ABCC3: variants seen among roughly 807,000 people sequenced by gnomAD.
ABCC3 encodes ATP binding cassette subfamily C member 3.
ABCC3 carries 121 observed loss-of-function variants against 165.3 expected under a neutral mutation model. The ratio of observed to expected loss-of-function variants is 0.73; its 90% confidence interval spans 0.63 to 0.85. The LOEUF (loss-of-function observed/expected upper bound fraction) is 0.85, where lower values mean the gene tolerates loss of function less well. ABCC3 is among the 40% of genes least tolerant of loss of function. The pLI is 0.00. For missense variants in ABCC3, 1,869 were observed against 1,964.1 expected (o/e 0.95, Z 0.92); for synonymous variants, 733 against 810.1 (o/e 0.90, Z 1.62).
intron 7 of ABCC3, 72 bp from the exon 8 acceptor site, chr17:50,660,851 C>A: frequency 7.0e-7 from 1 of 1,430,550 alleles, no homozygotes; most frequent in Non-Finnish European, 9.5e-7. Flanking sequence ...CCTAGCCAGC[C>A]CAGCCTAGCC....
intron 30 of ABCC3, among the ~76,000 whole-genome samples, chr17:50,689,339 G>A (rs1327125386): frequency 3.3e-5 from 5 of 152,206 alleles, no homozygotes; most frequent in African/African-American, 1.2e-4. Flanking sequence ...CTTCCTTGGA[G>A]AGGCAGACCA....
rs1336670434 is a variant in ABCC3, at chr17:50,655,907, C to T, written c.121C>T (p.Pro41Ser). 2.5e-6 allele frequency: 4 copies of T among 1,614,066 alleles called. No individual in the cohort carries two copies. The East Asian group carries it at 8.9e-5, about 36-fold the overall frequency. Residue 41 changes from proline (P) to serine (S), a missense_variant, in exon 2 of 31, where the codon CCC becomes TCC. Coordinates refer to ENST00000285238, the MANE Select transcript of ABCC3 (RefSeq NM_003786.4). ...CFQNSLLAWV[P>S]CIYLWVALPC... ...CCAGAACTCCCTGCTGGCCTGGGTG[C>T]CCTGCATCTACCTGTGGGTCGCCCT...
intron 4 of ABCC3, 117 bp from the exon 5 acceptor site, chr17:50,657,965 C>T (rs1353696785): frequency 2.8e-6 from 4 of 1,436,900 alleles, no homozygotes; most frequent in African/African-American, 1.4e-5. Flanking sequence ...ACCTGGAGGC[C>T]CCCAGGTGCT....
In ABCC3 at chr17:50,675,912, C is replaced by A; in HGVS notation, c.2889C>A (p.Ala963=). The A allele has an allele frequency of 6.2e-7, 1 of 1,614,118 alleles. No individual in the cohort carries two copies. The highest frequency in any genetic ancestry group is 1.3e-5 in the African/African-American group (1 of 75,018). Reference sequence around the variant, plus strand: ...AGCTCAGTGTGTTCTGGGATTATGCCAAGGCCGTGGGGCTCTGTACCACGC... The same window carrying A: ...AGCTCAGTGTGTTCTGGGATTATGCAAAGGCCGTGGGGCTCTGTACCACGC... ...TVELSVFWDY[A]KAVGLCTTLA... The change falls in exon 22 of 31, where the codon GCC becomes GCA. Residue 963 remains alanine (A), a synonymous_variant. Coordinates refer to ENST00000285238, the MANE Select transcript of ABCC3 (RefSeq NM_003786.4).
At chr17:50,673,985 TCTC>T (rs1967731192) in intron 19 of ABCC3, among the ~76,000 whole-genome samples, 2 of 4,132 alleles carry the variant, frequency 4.8e-4, no homozygotes, top group Non-Finnish European at 4.4e-4. Flanking sequence ...TCTTTCTCTC[TCTC>T]TCTCTCTCTC....
intron 8 of ABCC3, among the ~76,000 whole-genome samples, 163 bp downstream of exon 8, chr17:50,661,277 T>A (rs1031460208): frequency 1.3e-5 from 2 of 152,258 alleles, no homozygotes; most frequent in African/African-American, 4.8e-5. Flanking sequence ...TTGCCTGACT[T>A]GTTTCCTCAC....
intron 11 of ABCC3, among the ~76,000 whole-genome samples, chr17:50,665,994 G>A (rs1321694478): frequency 6.6e-6 from 1 of 151,964 alleles, no homozygotes; most frequent in African/African-American, 2.4e-5. Flanking sequence ...TGCTTACCTT[G>A]CAAGTCCTCA....
chr17:50,675,327 C>G (rs1967775083), intron 19 of ABCC3, 35 bp from the exon 20 acceptor site: 7 of 1,525,992 alleles, frequency 4.6e-6, no homozygotes, highest in Non-Finnish European at 6.3e-6. Flanking sequence ...GGAGAACTAG[C>G]TGAACCCTAT....
Position 50,656,756 on chromosome 17 carries a change from CATGGCCT to C in ABCC3, c.278_284del (p.His93ArgfsTer28). ...CTGGGCGGACCTTTTTTACTCCTTCCATGGCCTGGTCCATGGCCGGGCCCCTGCCCCT... is the reference window on the plus strand; with the variant it reads ...CTGGGCGGACCTTTTTTACTCCTTCCGGTCCATGGCCGGGCCCCTGCCCCT... On this transcript the variant is annotated frameshift_variant, in exon 3 of 31. Coordinates refer to ENST00000285238, the MANE Select transcript of ABCC3 (RefSeq NM_003786.4). LOFTEE classifies it high-confidence loss of function. 1 of 1,614,050 alleles carries C rather than the reference CATGGCCT, an allele frequency of 6.2e-7. No individual in the cohort carries two copies. The highest frequency in any genetic ancestry group is 8.5e-7 in the Non-Finnish European group (1 of 1,179,968).
rs906852788 is a variant in ABCC3, at chr17:50,644,974, C to A, written c.45+9993C>A. ...CGGAGCTTGCAGTGAGCCGAGATCA[C>A]GCCACTGCACTCCAGCCTGGGCGAC... On this transcript the variant is annotated intron_variant, in intron 1 of 30. Coordinates refer to ENST00000285238, the MANE Select transcript of ABCC3 (RefSeq NM_003786.4). Among the ~76,000 whole-genome samples the A allele has an allele frequency of 3.3e-5, 5 of 150,928 alleles. No homozygotes were observed. In the East Asian group the frequency reaches 9.9e-4, roughly 30 times the overall value.
At chr17:50,669,639 C>A in intron 17 of ABCC3, 111 bp downstream of exon 17, 1 of 1,168,204 alleles carries the variant, frequency 8.6e-7, no homozygotes, top group Non-Finnish European at 1.2e-6. Context: ...TAACGTTATG[C>A]CCAACTCTGT....
chr17:50,684,254 T>C, intron 28 of ABCC3, 147 bp downstream of exon 28: 1 of 1,114,382 alleles, frequency 9.0e-7, no homozygotes, highest in African/African-American at 1.6e-5. Context: ...AGCAGAGCCA[T>C]CAGTGAGCCA....
rs141342899 is a variant in ABCC3, at chr17:50,679,825, C to T, written c.3733C>T (p.Arg1245Ter). Residue 1245 changes from arginine to a stop codon, truncating the protein, a stop_gained, in exon 26 of 31, where the codon CGA becomes TGA. Transcript: ENST00000285238. LOFTEE classifies it high-confidence loss of function. ...QVTFALNWMIRMMSDLESNIV... is the reference protein window; with the variant it reads ...QVTFALNWMI ...GACATTTGCTCTGAACTGGATGATA[C>T]GAATGATGTCAGATTTGGAATCTAA... The T allele has an allele frequency of 1.6e-4, 262 of 1,614,050 alleles. No homozygotes were observed. Among genetic ancestry groups the T allele is most frequent in the Admixed American group, 6.8e-4 (41 of 60,004 alleles).
chr17:50,672,190 A>G (rs560811785), intron 17 of ABCC3, among the ~76,000 whole-genome samples: 1 of 152,272 alleles, frequency 6.6e-6, no homozygotes, highest in East Asian at 1.9e-4. Flanking sequence ...CTGGGGGGTA[A>G]GTTTCAACAT....
intron 1 of ABCC3, among the ~76,000 whole-genome samples, chr17:50,639,806 C>T (rs1402674222): frequency 1.3e-5 from 2 of 151,574 alleles, no homozygotes; most frequent in Non-Finnish European, 2.9e-5. Flanking sequence ...CTCTGTCGCC[C>T]AGGCTGAAGT....
Position 50,658,492 on chromosome 17 carries a change from A to T in ABCC3, c.670A>T (p.Thr224Ser). ...FLSRLFFWWF[T>S]KMAIYGYRHP... is the part of the protein sequence containing the mutation. ...CTCCCGCCTGTTTTTCTGGTGGTTC[A>T]CAAAGTGAGTTGGCTCTTCCACCAG... is the stretch of plus-strand genomic sequence containing the variant. The change falls in exon 6 of 31, where the codon ACA (threonine) becomes TCA (serine). Residue 224 changes from threonine to serine, a missense_variant. Coordinates refer to ENST00000285238, the MANE Select transcript of ABCC3 (RefSeq NM_003786.4). 1 of 1,613,948 alleles carries T rather than the reference A, an allele frequency of 6.2e-7. No individual in the cohort carries two copies. The highest frequency in any genetic ancestry group is 2.2e-5 in the East Asian group (1 of 44,878).
intron 11 of ABCC3, among the ~76,000 whole-genome samples, chr17:50,666,343 T>C (rs905538036): frequency 6.6e-6 from 1 of 152,116 alleles, no homozygotes; most frequent in African/African-American, 2.4e-5. Flanking sequence ...TGGTGGCACA[T>C]GCCTGTAATC....
chr17:50,659,153 G>T, intron 6 of ABCC3, 84 bp from the exon 7 acceptor site: 1 of 1,537,484 alleles, frequency 6.5e-7, no homozygotes, highest in Non-Finnish European at 8.9e-7. Flanking sequence ...AGACCCTGGG[G>T]CCCTGGAGAC....
chr17:50,673,983 TCTCTCTCTCTCTC>T lies in ABCC3; in HGVS notation c.2599+326_2599+338del, dbSNP rs1967728962. ...TTCTTTCTTTCTTTCTTTCTTTCTCTCTCTCTCTCTCTCTCTCTCTCTCTCTCTCTCTCTCTCT... is the reference window on the plus strand; with the variant it reads ...TTCTTTCTTTCTTTCTTTCTTTCTCTTCTCTCTCTCTCTCTCTCTCTCTCT... On this transcript the variant is annotated intron_variant, in intron 19 of 30. Transcript: ENST00000285238. 6.1e-4 allele frequency among the ~76,000 whole-genome samples: 3 copies of T among 4,956 alleles called. 1 individual carries two copies. Among genetic ancestry groups the T allele is most frequent in the South Asian group, 6.1e-3 (1 of 164 alleles). The allele number at this position is 4,956 out of a possible 152,430, so 3.3% of individuals were successfully genotyped here.
Sources: gnomAD v4.1 joint callset for allele counts (sites outside exome capture counted in the v4.1 genomes callset) on GRCh38, gnomAD v4.1.1 for gene constraint, MANE v1.5 for transcripts, NCBI Gene and HGNC (gene_info 2026-07-23, HGNC 2026-07-21) for gene names.